Variants in PPFIA1 observed in about 807,000 individuals in gnomAD.
The protein encoded by PPFIA1 is liprin-alpha-1.
Under a neutral mutation model 149.9 loss-of-function variants are expected in PPFIA1, and 25 were observed. That is an observed-to-expected ratio of 0.17 (90% CI 0.12 to 0.23). The LOEUF (loss-of-function observed/expected upper bound fraction) is 0.23. PPFIA1 is among the 10% of genes least tolerant of loss of function. The probability of loss-of-function intolerance (pLI) is 1.00; values close to 1 mark genes in which losing one functional copy is unlikely to be tolerated. For synonymous variants in PPFIA1, 549 were observed against 552.8 expected, an observed-to-expected ratio of 0.99 and a Z score of 0.10; for missense variants, 1,362 against 1,506.5, an observed-to-expected ratio of 0.90 and a Z score of 1.59.
Position 70,332,001 on chromosome 11 carries a change from G to T in PPFIA1, c.1119G>T (p.Leu373Phe). The T allele has an allele frequency of 6.2e-7, 1 of 1,613,404 alleles. No homozygotes were observed. Among genetic ancestry groups the T allele is most frequent in the Non-Finnish European group, 8.5e-7 (1 of 1,179,732 alleles). Residue 373 changes from leucine (L) to phenylalanine (F), a missense_variant, in exon 9 of 28, where the codon TTG (leucine) becomes TTT (phenylalanine). By Grantham distance (22) the Leu-to-Phe change is conservative. Coordinates refer to ENST00000253925, the MANE Select transcript of PPFIA1 (RefSeq NM_003626.5). ...KNRQLQERLE[L>F]AEQKLQQTLR... ...GCCAGTTACAGGAGCGCTTGGAATT[G>T]GCAGAGCAAAAGCTGCAACAGACAC... is the stretch of plus-strand genomic sequence containing the variant.
At chr11:70,327,936 A>G (rs1039500331) in intron 7 of PPFIA1, among the ~76,000 whole-genome samples, 1 of 152,214 alleles carries the variant, frequency 6.6e-6, no homozygotes, top group Admixed American at 6.5e-5. Flanking sequence ...GAGTAATTTC[A>G]TGTAGGAATT....
chr11:70,281,090 CTA>C (rs2050735085), intron 2 of PPFIA1, among the ~76,000 whole-genome samples: 1 of 152,142 alleles, frequency 6.6e-6, no homozygotes, highest in Admixed American at 6.5e-5. Flanking sequence ...TCTGATAACT[CTA>C]TTATATGGGT....
Position 70,332,210 on chromosome 11 carries a change from G to A in PPFIA1, c.1212+116G>A, listed in dbSNP as rs544092093. 6.0e-5 allele frequency: 79 copies of A among 1,311,324 alleles called. 2 individuals are homozygous for A. The South Asian group carries it at 6.4e-4, about 11-fold the overall frequency. The allele number at this position is 1,311,324 out of a possible 1,614,324, so 81.2% of individuals were successfully genotyped here. On this transcript the variant is annotated intron_variant, in intron 9 of 27. Transcript: ENST00000253925. ...AGCACCTAAATCCGTGGAAGAGCAC[G>A]GATTTGGTTTGAGTGCTCTTTCATC...
At position 70,348,400 on chromosome 11, in the gene PPFIA1, A is replaced by G. The variant is rs1377958898; in HGVS notation, c.2143A>G (p.Arg715Gly). The change falls in exon 16 of 28, where the codon AGA becomes GGA. Residue 715 changes from arginine to glycine, a missense_variant. Physicochemically the swap from Arg to Gly is moderately radical, Grantham distance 125 (BLOSUM62 -2). Coordinates refer to ENST00000253925, the MANE Select transcript of PPFIA1 (RefSeq NM_003626.5). ...IPHSPAREVD[R>G]LGVMTLLPPS... ...TCACAGCCCAGCTCGGGAAGTGGAC[A>G]GACTGGGCGTCATGACCCTTGTACG... The G allele has an allele frequency of 1.2e-6, 2 of 1,611,628 alleles. No homozygotes were observed. The highest frequency in any genetic ancestry group is 1.6e-4 in the Middle Eastern group (1 of 6,062).
rs1017103621 is a variant in PPFIA1 at position 70,383,722 on chromosome 11, G to A, written c.*732G>A. The A allele has an allele frequency of 1.3e-5, 2 of 152,760 alleles. No homozygotes were observed. The highest frequency in any genetic ancestry group is 2.9e-5 in the Non-Finnish European group (2 of 68,480). 9.5% of individuals were successfully genotyped at this position (152,760 alleles called of 1,614,324 possible). ...TTTCCTAGCCTAGTCTCTGGATTTG[G>A]GGAGCTTGTCTTCAGTGGCTGAGAC... On this transcript the variant is annotated 3_prime_UTR_variant, in exon 28 of 28. Coordinates refer to ENST00000253925, the MANE Select transcript of PPFIA1 (RefSeq NM_003626.5).
chr11:70,292,899 C>T (rs2051631833), intron 2 of PPFIA1, among the ~76,000 whole-genome samples: 1 of 152,216 alleles, frequency 6.6e-6, no homozygotes, highest in African/African-American at 2.4e-5. Context: ...CTGGAGTGCA[C>T]ACACTTATGG....
intron 16 of PPFIA1, chr11:70,349,925 A>C (rs1204707713): frequency 2.2e-6 from 1 of 455,530 alleles, no homozygotes; most frequent in Non-Finnish European, 4.4e-6. Context: ...TATTTTAGCC[A>C]TCTCCAGATT....
intron 2 of PPFIA1, among the ~76,000 whole-genome samples, chr11:70,277,240 T>G: frequency 6.6e-6 from 1 of 151,546 alleles, no homozygotes. Flanking sequence ...GGTCTTCAAC[T>G]CCTGGCCTCA....
At chr11:70,278,668 A>G (rs151107346) in intron 2 of PPFIA1, among the ~76,000 whole-genome samples, 157 of 152,320 alleles carry the variant, frequency 1.0e-3, no homozygotes, top group African/African-American at 3.7e-3. Flanking sequence ...AAAACAGTCA[A>G]CTCAATCAAA....
chr11:70,301,308 A>C (rs1159359876), intron 2 of PPFIA1, among the ~76,000 whole-genome samples: 3 of 152,158 alleles, frequency 2.0e-5, no homozygotes. Context: ...ACAGCCCCCA[A>C]CACAGGGAAG....
At chr11:70,322,893 C>G (rs919902345) in intron 2 of PPFIA1, among the ~76,000 whole-genome samples, 3 of 152,208 alleles carry the variant, frequency 2.0e-5, no homozygotes, top group Non-Finnish European at 4.4e-5. Context: ...GATGTGTCCA[C>G]AGTCACCCTG....
intron 2 of PPFIA1, chr11:70,279,129 G>T: frequency 1.8e-6 from 1 of 546,416 alleles, no homozygotes. Context: ...CTCCAGGATG[G>T]CTGTGCTATT....
intron 2 of PPFIA1, among the ~76,000 whole-genome samples, chr11:70,322,175 G>A (rs2053983313): frequency 6.6e-6 from 1 of 152,174 alleles, no homozygotes; most frequent in South Asian, 2.1e-4. Flanking sequence ...CACCATGCCT[G>A]GCCTAATAAT....
intron 14 of PPFIA1, among the ~76,000 whole-genome samples, chr11:70,342,888 C>T (rs2055419762): frequency 6.8e-6 from 1 of 147,380 alleles, no homozygotes. Context: ...TTTCTTTACA[C>T]TAGGAACATT....
intron 21 of PPFIA1, chr11:70,366,087 T>C (rs761721426): frequency 8.4e-5 from 32 of 381,374 alleles, no homozygotes; most frequent in Admixed American, 3.1e-4. Flanking sequence ...TTATTCGGAG[T>C]ACAGGATTGT....
chr11:70,360,503 G>A (rs2135200360), intron 19 of PPFIA1, among the ~76,000 whole-genome samples: 1 of 152,346 alleles, frequency 6.6e-6, no homozygotes, highest in Middle Eastern at 3.4e-3. Flanking sequence ...CAGATTGTTA[G>A]CGTTCAGAGC....
chr11:70,296,723 AGAG>A lies in PPFIA1; in HGVS notation c.264+24292_264+24294del, dbSNP rs1287509966. On this transcript the variant is annotated intron_variant, in intron 2 of 27. Transcript: ENST00000253925. ...GGAGCGGGAGACCATGGGGAGAGGG[AGAG>A]GAGGGAGAGGGAGAGGGAGAGAGGG... Among the ~76,000 whole-genome samples, 339 of 95,450 alleles carry A rather than the reference AGAG, an allele frequency of 3.6e-3. 6 individuals are homozygous for A. Among genetic ancestry groups the A allele is most frequent in the African/African-American group, 0.013 (319 of 23,748 alleles). The allele number at this position is 95,450 out of a possible 152,430, so 62.6% of individuals were successfully genotyped here.
In PPFIA1 at chr11:70,287,598, A is replaced by C. The variant is rs761165147; in HGVS notation, c.264+15162A>C. Among the ~76,000 whole-genome samples, 28 of 149,410 alleles carry C rather than the reference A, an allele frequency of 1.9e-4. No individual in the cohort carries two copies. The Middle Eastern group carries it at 0.011, about 56-fold the overall frequency. ...CCTGCCTCAGCCTCCCAAAGTGTTG[A>C]GATTACAGGCATCAGCCACTACACC... On this transcript the variant is annotated intron_variant, in intron 2 of 27. Coordinates refer to ENST00000253925, the MANE Select transcript of PPFIA1 (RefSeq NM_003626.5).
chr11:70,345,911 T>G (rs2055670477), intron 15 of PPFIA1: 2 of 384,420 alleles, frequency 5.2e-6, no homozygotes, highest in African/African-American at 4.2e-5. Flanking sequence ...CACAGTGGCC[T>G]GGTACAGAAC....
Sources: allele counts gnomAD v4.1 joint callset (sites outside exome capture counted in the v4.1 genomes callset), GRCh38; gene constraint gnomAD v4.1.1; transcripts MANE v1.5; gene names NCBI Gene and HGNC (gene_info 2026-07-23, HGNC 2026-07-21).